Variants in LDAH observed in about 807,000 individuals in gnomAD.
The protein encoded by LDAH is lipid droplet-associated hydrolase.
Under a neutral mutation model 29.6 loss-of-function variants are expected in LDAH, and 26 were observed. That is an observed-to-expected ratio of 0.88 (90% CI 0.64 to 1.22). The LOEUF (loss-of-function observed/expected upper bound fraction) is 1.22. LDAH is among the 50% of genes most tolerant of loss of function. LDAH has a pLI of 0.00. For missense variants in LDAH, 344 were observed against 387.3 expected (o/e 0.89, Z 0.94); for synonymous variants, 117 against 133.0 (o/e 0.88, Z 0.83).
intron 2 of LDAH, among the ~76,000 whole-genome samples, chr2:20,796,245 T>C (rs924197092): frequency 6.6e-6 from 1 of 152,166 alleles, no homozygotes; most frequent in Non-Finnish European, 1.5e-5. Context: ...CACTCTTCTC[T>C]AACACCACAT....
chr2:20,775,256 A>T (rs916802590), intron 3 of LDAH, among the ~76,000 whole-genome samples: 12 of 152,220 alleles, frequency 7.9e-5, no homozygotes, highest in Non-Finnish European at 1.5e-5. Context: ...GAGAGGTGAG[A>T]TTCAAATTCA....
Position 20,820,283 on chromosome 2 carries a change from C to T in LDAH, c.-3+2754G>A, listed in dbSNP as rs375594497. Reference sequence around the variant, plus strand: ...AAACTACTTTAAAGTTCATATGGAACCAAAAAAGAGCCTGCATTGCCAAGT... The same window carrying T: ...AAACTACTTTAAAGTTCATATGGAATCAAAAAAGAGCCTGCATTGCCAAGT... On this transcript the variant is annotated intron_variant, in intron 1 of 6. Transcript: ENST00000237822. Among the ~76,000 whole-genome samples the T allele has an allele frequency of 1.2e-4, 18 of 152,194 alleles. No homozygotes were observed. In the South Asian group the frequency reaches 3.7e-3, roughly 32 times the overall value.
rs146042825 is a variant in LDAH at position 20,703,743 on chromosome 2, G to T, written c.704-2091C>A. 4.6e-3 allele frequency among the ~76,000 whole-genome samples: 693 copies of T among 152,088 alleles called. 1 individual carries two copies. The highest frequency in any genetic ancestry group is 7.7e-3 in the Non-Finnish European group (525 of 67,980). ...TTCTGCTCTAACCTGGACCACTGTC[G>T]ACTTAGAATTTCCCTTCACTGCCTT... On this transcript the variant is annotated intron_variant, in intron 5 of 6. Coordinates refer to ENST00000237822, the MANE Select transcript of LDAH (RefSeq NM_021925.4).
downstream of LDAH, among the ~76,000 whole-genome samples, chr2:20,683,257 G>C (rs1662365794): frequency 6.6e-6 from 1 of 152,106 alleles, no homozygotes; most frequent in Non-Finnish European, 1.5e-5. Flanking sequence ...TGTCTGTATG[G>C]GGCACAGGCA....
Position 20,723,691 on chromosome 2 carries a change from T to C in LDAH, c.703+16280A>G, listed in dbSNP as rs73241129. ...CCTCAGAAATGCTCATAATACAACA[T>C]AGTGGTCAGAAATAATAATACCAAA... On this transcript the variant is annotated intron_variant, in intron 5 of 6. Coordinates refer to ENST00000237822, the MANE Select transcript of LDAH (RefSeq NM_021925.4). Among the ~76,000 whole-genome samples the C allele has an allele frequency of 8.6e-4, 131 of 152,216 alleles. 1 individual carries two copies. The highest frequency in any genetic ancestry group is 3.0e-3 in the African/African-American group (126 of 41,514).
At chr2:20,816,562 T>C (rs1672862931) in intron 1 of LDAH, among the ~76,000 whole-genome samples, 2 of 152,070 alleles carry the variant, frequency 1.3e-5, no homozygotes, top group African/African-American at 4.8e-5. Flanking sequence ...ATCTTAAATG[T>C]ATATGCACCA....
Position 20,687,092 on chromosome 2 carries a change from A to G in LDAH, c.789T>C (p.Leu263=), listed in dbSNP as rs1046790104. Residue 263 remains leucine, a splice_region_variant and synonymous_variant, in exon 7 of 7, where the codon CTT becomes CTC. Coordinates refer to ENST00000237822, the MANE Select transcript of LDAH (RefSeq NM_021925.4). ...GATCTATAGTACCATAATAAAATGT[A>G]AGCTGAAAGACAAGACAAAAACCTT... is the stretch of plus-strand genomic sequence containing the variant. The part of the protein sequence containing the change: ...DETIKEHLCK[L]TFYYGTIDPW... The G allele has an allele frequency of 1.2e-6, 2 of 1,602,248 alleles. No individual in the cohort carries two copies. Among genetic ancestry groups the G allele is most frequent in the Non-Finnish European group, 1.7e-6 (2 of 1,174,788 alleles).
chr2:20,723,238 A>G (rs1178296627), intron 5 of LDAH, among the ~76,000 whole-genome samples: 1 of 152,220 alleles, frequency 6.6e-6, no homozygotes, highest in African/African-American at 2.4e-5. Context: ...AGTATACATT[A>G]TACAATTCCA....
intron 1 of LDAH, among the ~76,000 whole-genome samples, chr2:20,813,999 G>A (rs2125152290): frequency 6.6e-6 from 1 of 152,108 alleles, no homozygotes; most frequent in South Asian, 2.1e-4. Context: ...TTTCCCAGAT[G>A]TCTATTTTAA....
intron 5 of LDAH, among the ~76,000 whole-genome samples, chr2:20,720,973 C>G (rs570879379): frequency 7.2e-5 from 11 of 151,990 alleles, no homozygotes; most frequent in African/African-American, 2.2e-4. Context: ...TTACCATATA[C>G]AAAAATCAAC....
chr2:20,691,345 T>A (rs1197737134), intron 6 of LDAH, among the ~76,000 whole-genome samples: 1 of 95,142 alleles, frequency 1.1e-5, no homozygotes, highest in African/African-American at 6.1e-5. Context: ...CAGCTAATTT[T>A]TAATTTTTTT....
At chr2:20,774,672 A>G (rs1669669360) in intron 4 of LDAH, 138 bp downstream of exon 4, 3 of 822,590 alleles carry the variant, frequency 3.6e-6, no homozygotes, top group Non-Finnish European at 4.0e-6. Context: ...GGAGATAAGG[A>G]TAAAGGCAGA....
Position 20,701,572 on chromosome 2 carries a change from T to C in LDAH, c.784A>G (p.Lys262Glu). The change falls in exon 6 of 7, where the codon AAG (lysine) becomes GAG (glutamate). Residue 262 changes from lysine to glutamate, a missense_variant and splice_region_variant. Lys to Glu is a moderately conservative substitution (Grantham distance 56, BLOSUM62 1). Transcript: ENST00000237822. Reference sequence around the variant, plus strand: ...CCTTGCAGCACTAAAGTGATTACCTTACATAAATGCTCCTTTATGGTTTCG... The same window carrying C: ...CCTTGCAGCACTAAAGTGATTACCTCACATAAATGCTCCTTTATGGTTTCG... ...DDETIKEHLC[K>E]LTFYYGTIDP... is the part of the protein sequence containing the mutation. The C allele has an allele frequency of 6.2e-7, 1 of 1,613,416 alleles. No individual in the cohort carries two copies. The highest frequency in any genetic ancestry group is 8.5e-7 in the Non-Finnish European group (1 of 1,179,362).
At chr2:20,805,967 G>A (rs1672041021) in intron 1 of LDAH, among the ~76,000 whole-genome samples, 1 of 151,936 alleles carries the variant, frequency 6.6e-6, no homozygotes, top group Non-Finnish European at 1.5e-5. Context: ...TAAAATATTT[G>A]AAAGTGGAGT....
intron 4 of LDAH, among the ~76,000 whole-genome samples, chr2:20,754,575 C>T (rs1477686245): frequency 1.3e-5 from 2 of 150,570 alleles, no homozygotes; most frequent in Admixed American, 6.6e-5. Context: ...CATAACATCT[C>T]GATTAGGTGA....
At chr2:20,796,895 G>GACTTC (rs1406851918) in intron 2 of LDAH, among the ~76,000 whole-genome samples, 1 of 152,162 alleles carries the variant, frequency 6.6e-6, no homozygotes, top group African/African-American at 2.4e-5. Flanking sequence ...GGAAGCAGGA[G>GACTTC]ACTTCACTTC....
At chr2:20,821,750 G>A (rs1050737012) in intron 1 of LDAH, among the ~76,000 whole-genome samples, 7 of 151,802 alleles carry the variant, frequency 4.6e-5, no homozygotes, top group Non-Finnish European at 8.8e-5. Flanking sequence ...ATGTACCCTA[G>A]AACTTAAAGT....
chr2:20,700,534 C>T (rs1022033710), intron 6 of LDAH, among the ~76,000 whole-genome samples: 2 of 151,418 alleles, frequency 1.3e-5, no homozygotes, highest in African/African-American at 2.4e-5. Context: ...TGGGTTATCT[C>T]GTATTTCACT....
At chr2:20,738,524 C>A (rs935069748) in intron 5 of LDAH, among the ~76,000 whole-genome samples, 2 of 151,956 alleles carry the variant, frequency 1.3e-5, no homozygotes, top group Non-Finnish European at 2.9e-5. Context: ...TTCTTTCTTG[C>A]GCGAGATCCA....
Sources: gnomAD v4.1 joint callset for allele counts (sites outside exome capture counted in the v4.1 genomes callset) on GRCh38, gnomAD v4.1.1 for gene constraint, MANE v1.5 for transcripts, NCBI Gene and HGNC (gene_info 2026-07-23, HGNC 2026-07-21) for gene names.